Variants in CCDC77 observed in about 807,000 individuals in gnomAD.
The protein encoded by CCDC77 is coiled-coil domain containing 77, also known as coiled-coil domain-containing protein 77.
In CCDC77, 56 loss-of-function variants were observed where a neutral mutation model predicts 66.8. The observed-to-expected ratio is 0.84, with a 90% CI of 0.68 to 1.05. The LOEUF is 1.05. CCDC77 is among the 50% of genes least tolerant of loss of function. The pLI is 0.00. For synonymous variants in CCDC77, 196 were observed against 195.2 expected (o/e 1.00, Z -0.03); for missense variants, 570 against 576.8 (o/e 0.99, Z 0.12).
rs369183168 is a variant in CCDC77, at chr12:440,943, G to A, written c.1267G>A (p.Asp423Asn). ...CCTGGAAGTAGAAGGCTTTAAGACA[G>A]ATATTAAAGTTCTCCGACAGAAACT... ...RILEVEGFKTDIKVLRQKLKD... is the reference protein window; with the variant it reads ...RILEVEGFKTNIKVLRQKLKD... The change falls in exon 12 of 13, where the codon GAT (aspartate) becomes AAT (asparagine). Residue 423 changes from aspartate (D) to asparagine (N), a missense_variant. Coordinates refer to ENST00000239830, the MANE Select transcript of CCDC77 (RefSeq NM_032358.4). The A allele has an allele frequency of 5.6e-6, 9 of 1,613,304 alleles. No individual in the cohort carries two copies. The African/African-American group carries it at 1.2e-4, about 22-fold the overall frequency.
At chr12:398,613 C>A (rs563696210), upstream of CCDC77, among the ~76,000 whole-genome samples, 94 of 152,080 alleles carry the variant, frequency 6.2e-4, no homozygotes, top group Non-Finnish European at 1.2e-3. Flanking sequence ...ACAGCATCTG[C>A]AGTTATTTCG....
At chr12:438,166 A>G (rs3764876) in intron 9 of CCDC77, among the ~76,000 whole-genome samples, 169 bp from the exon 10 acceptor site, 35,211 of 152,208 alleles carry the variant, frequency 0.23, 4,338 homozygotes, top group Non-Finnish European at 0.26. Flanking sequence ...TTTACCCAGT[A>G]AAACATGTAA....
rs747380154 is a variant in CCDC77, at chr12:411,807, G to A, written c.99G>A (p.Met33Ile). Residue 33 changes from methionine (M) to isoleucine (I), a missense_variant, in exon 4 of 13, where the codon ATG becomes ATA. Met to Ile is a conservative substitution (Grantham distance 10). Coordinates refer to ENST00000239830, the MANE Select transcript of CCDC77 (RefSeq NM_032358.4). ...GTGGTCCCACCAAGAGGAGGGGAAT[G>A]GCAGATTCACTGGAGTCAACCCCCT... Reference protein sequence around the residue: ...AVSGPTKRRGMADSLESTPLP... With the variant: ...AVSGPTKRRGIADSLESTPLP... The A allele has an allele frequency of 1.2e-6, 2 of 1,614,074 alleles. No homozygotes were observed. The highest frequency in any genetic ancestry group is 1.7e-5 in the Admixed American group (1 of 59,990).
chr12:431,310 C>T (rs559448629), intron 7 of CCDC77, among the ~76,000 whole-genome samples: 185 of 151,438 alleles, frequency 1.2e-3, no homozygotes, highest in African/African-American at 4.3e-3. Context: ...CCTCTGCCTC[C>T]CAGATTCAAG....
intron 4 of CCDC77, among the ~76,000 whole-genome samples, chr12:415,541 AAT>A (rs1401276095): frequency 9.3e-5 from 14 of 149,830 alleles, no homozygotes; most frequent in Admixed American, 6.7e-5. Context: ...TTAACATAAT[AAT>A]ATGTTGATAT....
intron 12 of CCDC77, 87 bp downstream of exon 12, chr12:441,083 T>A: frequency 6.7e-6 from 9 of 1,333,874 alleles, no homozygotes; most frequent in Non-Finnish European, 9.5e-6. Context: ...AAGAAGGATG[T>A]GCTGTTTCCC....
upstream of CCDC77, among the ~76,000 whole-genome samples, chr12:396,814 T>G (rs140102193): frequency 8.5e-4 from 130 of 152,356 alleles, 1 homozygote; most frequent in African/African-American, 3.0e-3. Context: ...TGGGGTCAGA[T>G]AGCTGCAGTC....
chr12:432,045 C>G lies in CCDC77; in HGVS notation c.672+91C>G, dbSNP rs1945662445. 1.4e-5 allele frequency: 10 copies of G among 739,054 alleles called. No homozygotes were observed. The East Asian group carries it at 2.5e-4, about 19-fold the overall frequency. The allele number at this position is 739,054 out of a possible 1,614,324, so 45.8% of individuals were successfully genotyped here. ...CCTCAGTGTCATGTGATAAGTATCT[C>G]CTTGCACACAGGTTACATCTAAGCA... On this transcript the variant is annotated intron_variant, in intron 8 of 12. Transcript: ENST00000239830.
chr12:409,714 G>A (rs1420217357), intron 3 of CCDC77: 1 of 284,392 alleles, frequency 3.5e-6, no homozygotes, highest in Non-Finnish European at 6.7e-6. Context: ...ATGAAATGTT[G>A]GCCGGGCACG....
chr12:439,129 G>C (rs1409142123), intron 10 of CCDC77, among the ~76,000 whole-genome samples: 1 of 152,082 alleles, frequency 6.6e-6, no homozygotes, highest in Non-Finnish European at 1.5e-5. Flanking sequence ...CTATGGGTTA[G>C]GCCCTAGAGT....
intron 1 of CCDC77, among the ~76,000 whole-genome samples, chr12:391,649 T>C (rs1457453647): frequency 6.6e-6 from 1 of 152,256 alleles, no homozygotes; most frequent in South Asian, 2.1e-4. Flanking sequence ...AGAACCTCAG[T>C]ATAAGCACAA....
At position 413,312 on chromosome 12, in the gene CCDC77, C is replaced by T. The variant is rs566991385; in HGVS notation, c.270+1334C>T. ...AGTGCAGTGGCGCGATCTCAGCTCA[C>T]TGCAAGCTCCGCCTCCCGGGTTCAC... On this transcript the variant is annotated intron_variant, in intron 4 of 12. Transcript: ENST00000239830. Among the ~76,000 whole-genome samples, 422 of 151,218 alleles carry T rather than the reference C, an allele frequency of 2.8e-3. 2 individuals are homozygous for T. Among genetic ancestry groups the T allele is most frequent in the African/African-American group, 9.9e-3 (406 of 41,130 alleles).
In CCDC77 at chr12:428,802, C is replaced by T. The variant is rs1357768738; in HGVS notation, c.447C>T (p.Leu149=). 1.9e-6 allele frequency: 3 copies of T among 1,612,450 alleles called. No homozygotes were observed. Among genetic ancestry groups the T allele is most frequent in the Non-Finnish European group, 2.5e-6 (3 of 1,179,290 alleles). Residue 149 remains leucine (L), a synonymous_variant, in exon 6 of 13, where the codon CTC becomes CTT. Coordinates refer to ENST00000239830, the MANE Select transcript of CCDC77 (RefSeq NM_032358.4). ...AAGACAAGAAAAAGATTCAGAATCT[C>T]TTGGCTCTTGTGGGAACAGATGCTG... ...ELEDKKKIQN[L]LALVGTDAGE... is the part of the protein sequence containing the mutation.
intron 2 of CCDC77, among the ~76,000 whole-genome samples, chr12:407,615 G>T (rs1481359775): frequency 6.6e-6 from 1 of 152,124 alleles, no homozygotes; most frequent in East Asian, 1.9e-4. Flanking sequence ...AGTAAGAAAA[G>T]GGGACAACCA....
intron 8 of CCDC77, 141 bp from the exon 9 acceptor site, chr12:433,033 G>C: frequency 1.0e-6 from 1 of 956,916 alleles, no homozygotes; most frequent in Non-Finnish European, 1.6e-6. Flanking sequence ...ACCTTGTCTT[G>C]AAATGAACAA....
intron 10 of CCDC77, among the ~76,000 whole-genome samples, chr12:438,851 G>A (rs1250562704): frequency 6.6e-6 from 1 of 151,066 alleles, no homozygotes; most frequent in African/African-American, 2.4e-5. Flanking sequence ...GGCAAATCGT[G>A]AGGTCAGGAG....
chr12:438,517 T>G lies in CCDC77; in HGVS notation c.1004T>G (p.Met335Arg). 2 of 1,613,412 alleles carry G rather than the reference T, an allele frequency of 1.2e-6. No individual in the cohort carries two copies. Among genetic ancestry groups the G allele is most frequent in the Admixed American group, 1.7e-5 (1 of 59,954 alleles). Residue 335 changes from methionine to arginine, a missense_variant, in exon 10 of 13, where the codon ATG (methionine) becomes AGG (arginine). Coordinates refer to ENST00000239830, the MANE Select transcript of CCDC77 (RefSeq NM_032358.4). ...EDKIGKVLPVMHESHHAQSEY... is the reference protein window; with the variant it reads ...EDKIGKVLPVRHESHHAQSEY... ...AAAATTGGAAAAGTGTTGCCCGTTA[T>G]GCATGAGAGTCACCATGCTCAAAGT... is the stretch of plus-strand genomic sequence containing the variant.
intron 2 of CCDC77, among the ~76,000 whole-genome samples, chr12:407,191 G>A (rs533568061): frequency 6.6e-6 from 1 of 152,308 alleles, no homozygotes; most frequent in Non-Finnish European, 1.5e-5. Flanking sequence ...TGAGGGCATA[G>A]GTGATAAGTA....
At position 438,277 on chromosome 12, in the gene CCDC77, T is replaced by C. The variant is rs112435481; in HGVS notation, c.822-58T>C. 6.2e-4 allele frequency: 715 copies of C among 1,157,696 alleles called. 3 individuals are homozygous for C. The African/African-American group carries it at 0.01, about 17-fold the overall frequency. The allele number at this position is 1,157,696 out of a possible 1,614,324, so 71.7% of individuals were successfully genotyped here. On this transcript the variant is annotated intron_variant, in intron 9 of 12. Transcript: ENST00000239830. ...CTCTCTTCCATTTTGGAATAATCCT[T>C]GCTTTCAGGTGTGCTGTGTGCGCAT... is the stretch of plus-strand genomic sequence containing the variant.
Sources: gnomAD v4.1 joint callset for allele counts (sites outside exome capture counted in the v4.1 genomes callset) on GRCh38, gnomAD v4.1.1 for gene constraint, MANE v1.5 for transcripts, NCBI Gene and HGNC (gene_info 2026-07-23, HGNC 2026-07-21) for gene names.